The following PNRC1 variants were observed in gnomAD, a reference collection of about 807,000 sequenced individuals.
PNRC1 encodes the protein proline rich nuclear receptor coactivator 1, also known as proline-rich nuclear receptor coactivator 1.
Under a neutral mutation model 20.2 loss-of-function variants are expected in PNRC1, and 6 were observed. That is an observed-to-expected ratio of 0.30 (90% CI 0.16 to 0.59). The LOEUF (loss-of-function observed/expected upper bound fraction) is 0.59, where lower values mean the gene tolerates loss of function less well. Among genes scored for constraint, PNRC1 ranks in the 20% least tolerant of loss-of-function variants. The pLI is 0.89. For synonymous variants in PNRC1, 202 were observed against 186.9 expected (o/e 1.08, Z -0.66); for missense variants, 488 against 430.2 (o/e 1.13, Z -1.19).
chr6:89,083,975 A>C lies in PNRC1; in HGVS notation c.763A>C (p.Asn255His). The C allele has an allele frequency of 6.2e-7, 1 of 1,613,910 alleles. No individual in the cohort carries two copies. The highest frequency in any genetic ancestry group is 2.2e-5 in the East Asian group (1 of 44,870). Residue 255 changes from asparagine (N) to histidine (H), a missense_variant, in exon 2 of 2, where the codon AAT becomes CAT. Physicochemically the swap from Asn to His is moderately conservative, Grantham distance 68 (BLOSUM62 1). Transcript: ENST00000336032. ...GAAGCAGGAAAAAAAGCCTTTTAAA[A>C]ATACCGAGAACATTAAAAATTCGCA... Reference protein sequence around the residue: ...IQKQEKKPFKNTENIKNSHLK... With the variant: ...IQKQEKKPFKHTENIKNSHLK...
chr6:89,083,715 TA>T, intron 1 of PNRC1, 37 bp from the exon 2 acceptor site: 1 of 1,458,242 alleles, frequency 6.9e-7, no homozygotes, highest in South Asian at 1.3e-5. Flanking sequence ...GATTTTTATC[TA>T]GAAACTATAT....
rs1056859873 is a variant in PNRC1, at chr6:89,080,844, ATTCACCTTCT to A, written c.-50_-41del. ...CCGCCACCCTATCTTCACTGGCTTC[ATTCACCTTCT>A]CCTTCTCTCTTCGTTGCTGAGCGAC... On this transcript the variant is annotated 5_prime_UTR_variant, in exon 1 of 2. Transcript: ENST00000336032. 1.9e-5 allele frequency: 2 copies of A among 105,342 alleles called. No homozygotes were observed. The highest frequency in any genetic ancestry group is 2.5e-5 in the Non-Finnish European group (2 of 80,640). The allele number at this position is 105,342 out of a possible 1,614,324, so 6.5% of individuals were successfully genotyped here. A position where few individuals can be genotyped will look rare whatever the true frequency, so the allele number is the denominator to read the frequency against.
In PNRC1 at chr6:89,081,124, C is replaced by T. The variant is rs1056811660; in HGVS notation, c.230C>T (p.Ala77Val). The T allele has an allele frequency of 1.9e-6, 3 of 1,607,366 alleles. No individual in the cohort carries two copies. The highest frequency in any genetic ancestry group is 1.7e-5 in the Admixed American group (1 of 59,930). The change falls in exon 1 of 2, where the codon GCT becomes GTT. Residue 77 changes from alanine to valine, a missense_variant. Ala to Val is a moderately conservative substitution (Grantham distance 64). Coordinates refer to ENST00000336032, the MANE Select transcript of PNRC1 (RefSeq NM_006813.3). ...CLTPQPRAPA[A>V]LPNRSLAVAG... ...ACCCCCCAGCCTCGCGCTCCAGCAG[C>T]TCTGCCCAACCGCAGCCTCGCCGTG...
chr6:89,080,879 C>T lies in PNRC1; in HGVS notation c.-16C>T. On this transcript the variant is annotated 5_prime_UTR_variant, in exon 1 of 2. Coordinates refer to ENST00000336032, the MANE Select transcript of PNRC1 (RefSeq NM_006813.3). The stretch of plus-strand genomic sequence containing the variant: ...TCCTTCTCTCTTCGTTGCTGAGCGA[C>T]AAGCTTCCTAGCGCTATGACTGTCG... 3 of 1,607,848 alleles carry T rather than the reference C, an allele frequency of 1.9e-6. No individual in the cohort carries two copies. Among genetic ancestry groups the T allele is most frequent in the Non-Finnish European group, 2.5e-6 (3 of 1,179,830 alleles).
At position 89,081,264 on chromosome 6, in the gene PNRC1, C is replaced by G. The variant is rs760514591; in HGVS notation, c.370C>G (p.Leu124Val). 102 of 1,534,286 alleles carry G rather than the reference C, an allele frequency of 6.6e-5. No homozygotes were observed. The highest frequency in any genetic ancestry group is 8.0e-5 in the Non-Finnish European group (92 of 1,149,898). Residue 124 changes from leucine to valine, a missense_variant, in exon 1 of 2, where the codon CTG (leucine) becomes GTG (valine). Transcript: ENST00000336032. ...CCAGTACCAGCAGCACCGGCCGAGT[C>G]TGGAGGGCGGCCGGAGCCCCGCGAC... ...FHQYQQHRPSLEGGRSPATGP... is the reference protein window; with the variant it reads ...FHQYQQHRPSVEGGRSPATGP...
In PNRC1 at chr6:89,081,194, G is replaced by A. The variant is rs775363883; in HGVS notation, c.300G>A (p.Lys100=). ...CAGCGCCGAAGAAGCGGCGAAAGAA[G>A]AAGGTGCGGGCCAGCCCCGCAGGGC... is the stretch of plus-strand genomic sequence containing the variant. ...PRAAPKKRRK[K]KVRASPAGQL... The change falls in exon 1 of 2, where the codon AAG becomes AAA. Residue 100 remains lysine, a synonymous_variant. Transcript: ENST00000336032. 4 of 1,573,398 alleles carry A rather than the reference G, an allele frequency of 2.5e-6. No homozygotes were observed. Among genetic ancestry groups the A allele is most frequent in the South Asian group, 1.1e-5 (1 of 88,274 alleles).
rs1768064455 is a variant in PNRC1 at position 89,084,182 on chromosome 6, A to C, written c.970A>C (p.Lys324Gln). The change falls in exon 2 of 2, where the codon AAA (lysine) becomes CAA (glutamine). Residue 324 changes from lysine to glutamine, a missense_variant. Physicochemically the swap from Lys to Gln is moderately conservative, Grantham distance 53. Transcript: ENST00000336032. ...LMAVHLKTLL[K>Q]VQT is the part of the protein sequence containing the mutation. Reference sequence around the variant, plus strand: ...GGCAGTACACTTAAAAACGCTCCTCAAAGTTCAAACTTAGATTTCAGATTT... The same window carrying C: ...GGCAGTACACTTAAAAACGCTCCTCCAAGTTCAAACTTAGATTTCAGATTT... The C allele has an allele frequency of 5.1e-6, 8 of 1,577,242 alleles. No homozygotes were observed. Among genetic ancestry groups the C allele is most frequent in the Non-Finnish European group, 6.9e-6 (8 of 1,165,918 alleles).
In PNRC1 at chr6:89,081,188, A is replaced by G. The variant is rs1554181106; in HGVS notation, c.294A>G (p.Arg98=). The part of the protein sequence containing the change: ...GTPRAAPKKR[R]KKKVRASPAG... Reference sequence around the variant, plus strand: ...CTCGGGCAGCGCCGAAGAAGCGGCGAAAGAAGAAGGTGCGGGCCAGCCCCG... The same window carrying G: ...CTCGGGCAGCGCCGAAGAAGCGGCGGAAGAAGAAGGTGCGGGCCAGCCCCG... The change falls in exon 1 of 2, where the codon CGA becomes CGG. Residue 98 remains arginine, a synonymous_variant. Transcript: ENST00000336032. 17 of 1,580,984 alleles carry G rather than the reference A, an allele frequency of 1.1e-5. No individual in the cohort carries two copies. Among genetic ancestry groups the G allele is most frequent in the African/African-American group, 1.3e-5 (1 of 74,382 alleles).
rs145119263 is a variant in PNRC1, at chr6:89,081,023, C to G, written c.129C>G (p.Pro43=). 1.1e-3 allele frequency: 1,813 copies of G among 1,612,010 alleles called. 6 individuals carry two copies. Among genetic ancestry groups the G allele is most frequent in the Middle Eastern group, 9.1e-3 (55 of 6,062 alleles). ...TGACCACGGCTCCGCCTCCTTTACCCCGGATCCCGGACCCCCGGGCACTGC... is the reference window on the plus strand; with the variant it reads ...TGACCACGGCTCCGCCTCCTTTACCGCGGATCCCGGACCCCCGGGCACTGC... The part of the protein sequence containing the change: ...PMVTTAPPPL[P]RIPDPRALPP... Residue 43 remains proline, a synonymous_variant, in exon 1 of 2, where the codon CCC becomes CCG. Transcript: ENST00000336032.
chr6:89,082,818 G>A (rs1174789822), intron 1 of PNRC1: 1 of 152,220 alleles, frequency 6.6e-6, no homozygotes, highest in Non-Finnish European at 1.5e-5. Context: ...CTCGTATTTG[G>A]AAGAGAGCTC....
Position 89,080,835 on chromosome 6 carries a change from A to G in PNRC1, c.-60A>G. The G allele has an allele frequency of 6.9e-7, 1 of 1,457,064 alleles. No homozygotes were observed. The highest frequency in any genetic ancestry group is 1.7e-4 in the Middle Eastern group (1 of 5,794). 90.3% of individuals were successfully genotyped at this position (1,457,064 alleles called of 1,614,324 possible). A position where few individuals can be genotyped will look rare whatever the true frequency, so the allele number is the denominator to read the frequency against. On this transcript the variant is annotated 5_prime_UTR_variant, in exon 1 of 2. Coordinates refer to ENST00000336032, the MANE Select transcript of PNRC1 (RefSeq NM_006813.3). ...CATCCATCGCCGCCACCCTATCTTC[A>G]CTGGCTTCATTCACCTTCTCCTTCT...
In PNRC1 at chr6:89,081,211, C is replaced by A. The variant is rs758957711; in HGVS notation, c.317C>A (p.Pro106His). 5.1e-6 allele frequency: 8 copies of A among 1,560,838 alleles called. No homozygotes were observed. Among genetic ancestry groups the A allele is most frequent in the East Asian group, 2.4e-5 (1 of 42,106 alleles). ...KRRKKKVRAS[P>H]AGQLPSRFHQ... Reference sequence around the variant, plus strand: ...CGAAAGAAGAAGGTGCGGGCCAGCCCCGCAGGGCAGCTGCCCAGCCGCTTC... The same window carrying A: ...CGAAAGAAGAAGGTGCGGGCCAGCCACGCAGGGCAGCTGCCCAGCCGCTTC... Residue 106 changes from proline (P) to histidine (H), a missense_variant, in exon 1 of 2, where the codon CCC (proline) becomes CAC (histidine). Physicochemically the swap from Pro to His is moderately conservative, Grantham distance 77 (BLOSUM62 -2). Transcript: ENST00000336032.
intron 1 of PNRC1, chr6:89,082,591 G>C (rs182269971): frequency 3.3e-5 from 5 of 152,316 alleles, no homozygotes; most frequent in African/African-American, 9.6e-5. Flanking sequence ...TTATTGACGT[G>C]GAAAGTTGTG....
At chr6:89,083,461 AGT>A (rs1185158645) in intron 1 of PNRC1, among the ~76,000 whole-genome samples, 1 of 152,066 alleles carries the variant, frequency 6.6e-6, no homozygotes, top group Non-Finnish European at 1.5e-5. Flanking sequence ...CCCCCCTTCT[AGT>A]AGTGCCTAGT....
chr6:89,082,837 TC>T (rs1388968656), intron 1 of PNRC1: 1 of 152,254 alleles, frequency 6.6e-6, no homozygotes, highest in East Asian at 1.9e-4. Context: ...TCATTAGTCT[TC>T]CTTACAGTTG....
Position 89,081,210 on chromosome 6 carries a change from C to A in PNRC1, c.316C>A (p.Pro106Thr), listed in dbSNP as rs1018445641. 1 of 1,561,592 alleles carries A rather than the reference C, an allele frequency of 6.4e-7. No homozygotes were observed. The highest frequency in any genetic ancestry group is 8.6e-7 in the Non-Finnish European group (1 of 1,162,122). Residue 106 changes from proline to threonine, a missense_variant, in exon 1 of 2, where the codon CCC becomes ACC. Pro to Thr is a conservative substitution (Grantham distance 38). Transcript: ENST00000336032. ...KRRKKKVRAS[P>T]AGQLPSRFHQ... ...GCGAAAGAAGAAGGTGCGGGCCAGC[C>A]CCGCAGGGCAGCTGCCCAGCCGCTT...
In PNRC1 at chr6:89,083,898, A is replaced by G; in HGVS notation, c.686A>G (p.Lys229Arg). Residue 229 changes from lysine to arginine, a missense_variant, in exon 2 of 2, where the codon AAA becomes AGA. By Grantham distance (26) the Lys-to-Arg change is conservative (BLOSUM62 2). Coordinates refer to ENST00000336032, the MANE Select transcript of PNRC1 (RefSeq NM_006813.3). Reference protein sequence around the residue: ...NLPLTKITSAKRNENNFWQDS... With the variant: ...NLPLTKITSARRNENNFWQDS... The stretch of plus-strand genomic sequence containing the variant: ...CCACTAACCAAGATCACCTCTGCAA[A>G]AAGAAATGAAAACAACTTTTGGCAG... 6.2e-7 allele frequency: 1 copy of G among 1,614,176 alleles called. No individual in the cohort carries two copies. The highest frequency in any genetic ancestry group is 8.5e-7 in the Non-Finnish European group (1 of 1,180,028).
intron 1 of PNRC1, among the ~76,000 whole-genome samples, chr6:89,083,501 T>C (rs1768048042): frequency 1.3e-5 from 2 of 152,156 alleles, no homozygotes; most frequent in Non-Finnish European, 2.9e-5. Flanking sequence ...ACTATATCCA[T>C]GTTGTACCCA....
intron 1 of PNRC1, among the ~76,000 whole-genome samples, chr6:89,083,156 G>A (rs1463719750): frequency 6.6e-6 from 1 of 152,138 alleles, no homozygotes; most frequent in African/African-American, 2.4e-5. Context: ...ACCACGCCGG[G>A]CTGATTTTTA....
Sources: allele counts gnomAD v4.1 joint callset (sites outside exome capture counted in the v4.1 genomes callset), GRCh38; gene constraint gnomAD v4.1.1; transcripts MANE v1.5; gene names NCBI Gene and HGNC (gene_info 2026-07-23, HGNC 2026-07-21).